PPM1L: variants seen among roughly 807,000 people sequenced by gnomAD.
PPM1L encodes the protein protein phosphatase 1L.
Under a neutral mutation model 31.4 loss-of-function variants are expected in PPM1L, and 13 were observed. The ratio of observed to expected loss-of-function variants is 0.41; its 90% CI spans 0.27 to 0.66. The LOEUF (loss-of-function observed/expected upper bound fraction) is 0.66. Among genes scored for constraint, PPM1L ranks in the 30% least tolerant of loss-of-function variants. PPM1L has a pLI of 0.29. For synonymous variants in PPM1L, 184 were observed against 175.4 expected, an observed-to-expected ratio of 1.05 and a Z score of -0.39; for missense variants, 326 against 453.7, an observed-to-expected ratio of 0.72 and a Z score of 2.56.
intron 2 of PPM1L, among the ~76,000 whole-genome samples, chr3:161,058,110 T>C (rs562305736): frequency 9.2e-5 from 12 of 129,984 alleles, no homozygotes; most frequent in Non-Finnish European, 1.8e-4. Context: ...GGTCCATCAT[T>C]TTCTTTCCTT....
At chr3:160,822,083 A>G (rs1248456774) in intron 1 of PPM1L, among the ~76,000 whole-genome samples, 1 of 152,056 alleles carries the variant, frequency 6.6e-6, no homozygotes, top group Non-Finnish European at 1.5e-5. Context: ...TAATGTGTGT[A>G]CATGTTTAGT....
At chr3:160,872,341 T>G (rs1174557136) in intron 1 of PPM1L, among the ~76,000 whole-genome samples, 1 of 152,244 alleles carries the variant, frequency 6.6e-6, no homozygotes. Context: ...TTCTTCTTTT[T>G]GCTACTTTTT....
At chr3:160,840,258 A>G (rs1408703422) in intron 1 of PPM1L, among the ~76,000 whole-genome samples, 1 of 152,112 alleles carries the variant, frequency 6.6e-6, no homozygotes, top group Non-Finnish European at 1.5e-5. Context: ...ATATTTCTGG[A>G]ATTTTCCTGG....
intron 1 of PPM1L, among the ~76,000 whole-genome samples, chr3:160,925,694 T>TATA (rs1714563811): frequency 6.6e-6 from 1 of 152,190 alleles, no homozygotes; most frequent in Non-Finnish European, 1.5e-5. Flanking sequence ...TTATTTCATG[T>TATA]ATAAGAGATA....
At chr3:160,834,972 G>A (rs1407466269) in intron 1 of PPM1L, among the ~76,000 whole-genome samples, 2 of 151,890 alleles carry the variant, frequency 1.3e-5, no homozygotes, top group Admixed American at 6.6e-5. Flanking sequence ...AGGTCATAAG[G>A]TAAGTAGCGT....
At position 160,924,361 on chromosome 3, in the gene PPM1L, A is replaced by T. The variant is rs1018841530; in HGVS notation, c.400-37375A>T. The stretch of plus-strand genomic sequence containing the variant: ...GTTAAATATTGTATTGGATAGGGAC[A>T]TTAAAACGTTTGGCTGTTCTCTCTC... On this transcript the variant is annotated intron_variant, in intron 1 of 3. Transcript: ENST00000498165. 2.6e-5 allele frequency among the ~76,000 whole-genome samples: 4 copies of T among 152,222 alleles called. No individual in the cohort carries two copies. In the East Asian group the frequency reaches 7.7e-4, roughly 29 times the overall value.
intron 1 of PPM1L, among the ~76,000 whole-genome samples, chr3:160,771,458 G>C (rs1715253802): frequency 6.7e-6 from 1 of 149,670 alleles, no homozygotes; most frequent in African/African-American, 2.5e-5. Context: ...GCCTAGGCTG[G>C]TCTTGAACTT....
chr3:160,883,638 AG>A (rs1163734511), intron 1 of PPM1L, among the ~76,000 whole-genome samples: 1 of 152,046 alleles, frequency 6.6e-6, no homozygotes, highest in Non-Finnish European at 1.5e-5. Flanking sequence ...GAGATGACTT[AG>A]GTCCTTTTTG....
chr3:160,994,335 G>A (rs1717234852), intron 2 of PPM1L, among the ~76,000 whole-genome samples: 1 of 152,126 alleles, frequency 6.6e-6, no homozygotes, highest in South Asian at 2.1e-4. Context: ...TGGCCCAGTG[G>A]CAGCAGGCTG....
At chr3:161,034,527 T>C (rs1718680960) in intron 2 of PPM1L, among the ~76,000 whole-genome samples, 2 of 151,746 alleles carry the variant, frequency 1.3e-5, no homozygotes, top group African/African-American at 4.8e-5. Flanking sequence ...GAAGGATGAG[T>C]TCATGTCCTT....
At chr3:160,922,894 T>A (rs1180509918) in intron 1 of PPM1L, among the ~76,000 whole-genome samples, 1 of 152,088 alleles carries the variant, frequency 6.6e-6, no homozygotes, top group African/African-American at 2.4e-5. Context: ...TAAAGTGAGG[T>A]TGACCATATC....
At chr3:160,899,281 A>G (rs1439480336) in intron 1 of PPM1L, among the ~76,000 whole-genome samples, 1 of 152,174 alleles carries the variant, frequency 6.6e-6, no homozygotes, top group East Asian at 1.9e-4. Flanking sequence ...GAGGTGATAC[A>G]GAAGTGTTAA....
chr3:161,010,483 T>C (rs1403784507), intron 2 of PPM1L, among the ~76,000 whole-genome samples: 1 of 152,230 alleles, frequency 6.6e-6, no homozygotes, highest in African/African-American at 2.4e-5. Context: ...GCAATAAACA[T>C]ACGTGTCCAT....
At chr3:161,001,307 G>A (rs1717472547) in intron 2 of PPM1L, among the ~76,000 whole-genome samples, 1 of 152,118 alleles carries the variant, frequency 6.6e-6, no homozygotes, top group South Asian at 2.1e-4. Context: ...TCTTTTGGGA[G>A]AGTCTCACTC....
chr3:160,902,672 A>G (rs1374733987), intron 1 of PPM1L, among the ~76,000 whole-genome samples: 1 of 152,136 alleles, frequency 6.6e-6, no homozygotes, highest in Non-Finnish European at 1.5e-5. Context: ...GAATTTCTGG[A>G]CCCACTTCCC....
chr3:160,924,097 C>A (rs1277391884), intron 1 of PPM1L, among the ~76,000 whole-genome samples: 1 of 152,108 alleles, frequency 6.6e-6, no homozygotes, highest in Non-Finnish European at 1.5e-5. Flanking sequence ...TCACTTGTTT[C>A]TGTTTGTTTT....
At chr3:160,875,707 CT>C (rs34594013) in intron 1 of PPM1L, among the ~76,000 whole-genome samples, 3 of 152,090 alleles carry the variant, frequency 2.0e-5, no homozygotes, top group Non-Finnish European at 4.4e-5. Context: ...ATTACTCTTC[CT>C]TTTTTATAGG....
chr3:160,847,907 A>G (rs145365283), intron 1 of PPM1L, among the ~76,000 whole-genome samples: 341 of 152,196 alleles, frequency 2.2e-3, no homozygotes, highest in African/African-American at 8.0e-3. Flanking sequence ...AAATTTCTGT[A>G]CAAGTTGCTA....
At chr3:160,805,198 T>A (rs1712559758) in intron 1 of PPM1L, among the ~76,000 whole-genome samples, 1 of 152,252 alleles carries the variant, frequency 6.6e-6, no homozygotes, top group African/African-American at 2.4e-5. Context: ...GTAATTTATA[T>A]CACTTTGAAG....
Sources: gnomAD v4.1 joint callset for allele counts (sites outside exome capture counted in the v4.1 genomes callset) on GRCh38, gnomAD v4.1.1 for gene constraint, MANE v1.5 for transcripts, NCBI Gene and HGNC (gene_info 2026-07-23, HGNC 2026-07-21) for gene names.